KDM1B: variants seen among roughly 807,000 people sequenced by gnomAD.
The protein encoded by KDM1B is lysine-specific histone demethylase 2.
A neutral mutation model predicts 107.4 loss-of-function variants in KDM1B; 63 were observed. The observed-to-expected ratio is 0.59, with a 90% CI of 0.48 to 0.72. KDM1B has a LOEUF of 0.72. Ranked by LOEUF, KDM1B falls within the 30% of genes least tolerant of loss-of-function variation. The pLI is 0.00. For missense variants in KDM1B, 749 were observed against 1,020.8 expected (o/e 0.73, Z 3.63); for synonymous variants, 363 against 363.9 (o/e 1.00, Z 0.03).
chr6:18,221,033 C>A (rs969950982), intron 21 of KDM1B, among the ~76,000 whole-genome samples: 2 of 151,400 alleles, frequency 1.3e-5, no homozygotes, highest in African/African-American at 4.9e-5. Flanking sequence ...GCGTGAGCCA[C>A]CGCTCCTTCT....
intron 5 of KDM1B, among the ~76,000 whole-genome samples, chr6:18,165,484 G>T (rs898924551): frequency 5.3e-5 from 8 of 152,134 alleles, no homozygotes; most frequent in Middle Eastern, 3.4e-3. Flanking sequence ...TTCATCTACT[G>T]ATGTAATTTT....
At position 18,186,459 on chromosome 6, in the gene KDM1B, G is replaced by A. The variant is rs918469747; in HGVS notation, c.573+649G>A. Among the ~76,000 whole-genome samples, 11 of 152,244 alleles carry A rather than the reference G, an allele frequency of 7.2e-5. No homozygotes were observed. Among genetic ancestry groups the A allele is most frequent in the African/African-American group, 2.2e-4 (9 of 41,556 alleles). ...AGTCATTCTGATTTTCAGTGATTCA[G>A]GATTGGATTGTTCTAGATGTCTGAA... is the stretch of plus-strand genomic sequence containing the variant. On this transcript the variant is annotated intron_variant, in intron 8 of 21. Transcript: ENST00000650836. The surrounding 1 kb of genome is among the most constrained non-coding windows in gnomAD (Gnocchi z 5.6).
In KDM1B at chr6:18,169,163, C is replaced by T. The variant is rs111400221; in HGVS notation, c.418-2200C>T. On this transcript the variant is annotated intron_variant, in intron 6 of 21. Coordinates refer to ENST00000650836, the MANE Select transcript of KDM1B (RefSeq NM_001364614.2). Reference sequence around the variant, plus strand: ...CTGGGATTACAGATGTGAGCCACCTCGCCCAGTCTTCCTTTGCCTTTTTTA... The same window carrying T: ...CTGGGATTACAGATGTGAGCCACCTTGCCCAGTCTTCCTTTGCCTTTTTTA... 5.9e-3 allele frequency among the ~76,000 whole-genome samples: 892 copies of T among 151,596 alleles called. 8 individuals carry two copies. Among genetic ancestry groups the T allele is most frequent in the African/African-American group, 0.02 (839 of 41,338 alleles).
chr6:18,216,514 C>T (rs1271279614), intron 20 of KDM1B, among the ~76,000 whole-genome samples: 7 of 152,274 alleles, frequency 4.6e-5, no homozygotes, highest in South Asian at 2.1e-4. Context: ...TATTGTTTAT[C>T]GTGTTGCTTG....
intron 14 of KDM1B, among the ~76,000 whole-genome samples, chr6:18,202,757 G>A (rs1442925107): frequency 6.6e-6 from 1 of 152,116 alleles, no homozygotes; most frequent in Admixed American, 6.6e-5. Flanking sequence ...TAGTAGCAGG[G>A]ACTATGTATC....
rs1231492739 is a variant in KDM1B, at chr6:18,191,008, G to A, written c.785-189G>A. 1.3e-5 allele frequency among the ~76,000 whole-genome samples: 2 copies of A among 152,132 alleles called. No individual in the cohort carries two copies. The highest frequency in any genetic ancestry group is 2.1e-4 in the South Asian group (1 of 4,826). On this transcript the variant is annotated intron_variant, in intron 9 of 21. Coordinates refer to ENST00000650836, the MANE Select transcript of KDM1B (RefSeq NM_001364614.2). The surrounding 1 kb of genome is among the most constrained non-coding windows in gnomAD (Gnocchi z 5.1). ...TGGAAATTAAAGTTGAGAATAGCAT[G>A]AAGAAAGAATGAGAAAAATACTTAA...
intron 21 of KDM1B, among the ~76,000 whole-genome samples, chr6:18,220,291 C>T (rs896537190): frequency 1.2e-4 from 19 of 152,344 alleles, no homozygotes; most frequent in Middle Eastern, 3.4e-3. Flanking sequence ...CGATGGCTCA[C>T]GCCTGTAATC....
rs1785053873 is a variant in KDM1B at position 18,162,860 on chromosome 6, C to T, written c.241C>T (p.Arg81Ter). ...ERCAKNGYTS[R>*]WYHLSCGEHF... ...ATGTGCCAAAAATGGCTACACCTCC[C>T]GATGGTATCATCTCTCCTGTGGGGA... The change falls in exon 5 of 22, where the codon CGA (arginine) becomes TGA (stop). Residue 81 changes from arginine (R) to a stop codon, truncating the protein, a stop_gained. Coordinates refer to ENST00000650836, the MANE Select transcript of KDM1B (RefSeq NM_001364614.2). LOFTEE classifies it high-confidence loss of function. The surrounding 1 kb of genome is among the most constrained non-coding windows in gnomAD (Gnocchi z 4.1). The T allele has an allele frequency of 1.9e-6, 3 of 1,610,916 alleles. No individual in the cohort carries two copies. The highest frequency in any genetic ancestry group is 2.2e-5 in the East Asian group (1 of 44,850).
At chr6:18,202,509 G>A (rs751402554) in intron 14 of KDM1B, among the ~76,000 whole-genome samples, 3 of 152,116 alleles carry the variant, frequency 2.0e-5, no homozygotes, top group South Asian at 2.1e-4. Context: ...TCATTTTCAC[G>A]AGGGTGCCAG....
At chr6:18,169,984 A>G (rs372119968) in intron 6 of KDM1B, among the ~76,000 whole-genome samples, 19 of 78,628 alleles carry the variant, frequency 2.4e-4, no homozygotes, top group African/African-American at 9.9e-4. Flanking sequence ...ATCTCAGCTC[A>G]CTGCAACCTC....
chr6:18,207,575 G>T, intron 16 of KDM1B, 46 bp downstream of exon 16: 1 of 1,609,692 alleles, frequency 6.2e-7, no homozygotes, highest in South Asian at 1.1e-5. Flanking sequence ...TGTTTGGGGA[G>T]GATGTGAAGT....
In KDM1B at chr6:18,162,213, C is replaced by G. The variant is rs566366525; in HGVS notation, c.216-622C>G. 6.6e-6 allele frequency among the ~76,000 whole-genome samples: 1 copy of G among 152,186 alleles called. No individual in the cohort carries two copies. The highest frequency in any genetic ancestry group is 2.1e-4 in the South Asian group (1 of 4,806). ...GCAGAAGCCTGTAATCCCAGCCACT[C>G]AGGAGGCTGAGGCATGAGAATCGCT... On this transcript the variant is annotated intron_variant, in intron 4 of 21. Coordinates refer to ENST00000650836, the MANE Select transcript of KDM1B (RefSeq NM_001364614.2). The surrounding 1 kb of genome is among the most constrained non-coding windows in gnomAD (Gnocchi z 4.1).
At chr6:18,168,915 A>G (rs1785485568) in intron 6 of KDM1B, among the ~76,000 whole-genome samples, 1 of 152,126 alleles carries the variant, frequency 6.6e-6, no homozygotes, top group Non-Finnish European at 1.5e-5. Flanking sequence ...TCTGTCACCC[A>G]GGCTGGAGTG....
Position 18,213,357 on chromosome 6 carries a change from A to G in KDM1B, c.1984-299A>G, listed in dbSNP as rs1276862120. ...ATGCTGAGGCAGGAGAATCACTCGA[A>G]ACCGGAAAGTGGAGGCTGCAGTGAG... On this transcript the variant is annotated intron_variant, in intron 18 of 21. Transcript: ENST00000650836. This position sits in a 1 kb window ranked among gnomAD's most constrained non-coding sequence, Gnocchi z 5.9. 6.6e-6 allele frequency among the ~76,000 whole-genome samples: 1 copy of G among 151,972 alleles called. No individual in the cohort carries two copies. Among genetic ancestry groups the G allele is most frequent in the African/African-American group, 2.4e-5 (1 of 41,388 alleles).
chr6:18,194,267 G>C (rs1787499817), intron 10 of KDM1B, among the ~76,000 whole-genome samples: 1 of 152,112 alleles, frequency 6.6e-6, no homozygotes, highest in African/African-American at 2.4e-5. Context: ...CACCCGCCTT[G>C]GCCTCCAAAG....
intron 6 of KDM1B, among the ~76,000 whole-genome samples, chr6:18,167,830 A>T (rs1785408708): frequency 6.6e-6 from 1 of 151,708 alleles, no homozygotes; most frequent in African/African-American, 2.4e-5. Context: ...TTGTGGGATT[A>T]TGACTCACTG....
Position 18,222,872 on chromosome 6 carries a change from T to A in KDM1B, c.*880T>A, listed in dbSNP as rs1002110816. 2.6e-5 allele frequency: 4 copies of A among 152,758 alleles called. No individual in the cohort carries two copies. The highest frequency in any genetic ancestry group is 2.1e-4 in the South Asian group (1 of 4,828). 9.5% of individuals were successfully genotyped at this position (152,758 alleles called of 1,614,324 possible). ...CTTTTATTTAAAAGCACTGATTCAA[T>A]TGCTAGGAATATTTTTGCAGATTTT... On this transcript the variant is annotated 3_prime_UTR_variant, in exon 22 of 22. Coordinates refer to ENST00000650836, the MANE Select transcript of KDM1B (RefSeq NM_001364614.2).
chr6:18,217,891 G>C lies in KDM1B; in HGVS notation c.2385+6G>C. 6.2e-7 allele frequency: 1 copy of C among 1,605,794 alleles called. No homozygotes were observed. Among genetic ancestry groups the C allele is most frequent in the Non-Finnish European group, 8.5e-7 (1 of 1,177,626 alleles). On this transcript the variant is annotated splice_donor_region_variant and intron_variant, in intron 21 of 21. Transcript: ENST00000650836. ...CCGTCTTTTTCGCTGGTGAGGTATG[G>C]ATCTTGATTCCAAACCCAATTATTT... is the stretch of plus-strand genomic sequence containing the variant.
intron 21 of KDM1B, among the ~76,000 whole-genome samples, chr6:18,221,090 C>A (rs187856292): frequency 2.0e-5 from 3 of 151,900 alleles, no homozygotes; most frequent in African/African-American, 7.3e-5. Flanking sequence ...GCCACTTTCT[C>A]CCCCCACTAG....
Sources: allele counts gnomAD v4.1 joint callset (sites outside exome capture counted in the v4.1 genomes callset), GRCh38; gene constraint gnomAD v4.1.1; non-coding constraint Gnocchi (gnomAD v3.1); transcripts MANE v1.5; gene names NCBI Gene and HGNC (gene_info 2026-07-23, HGNC 2026-07-21).